SMIM35: variants seen among roughly 807,000 people sequenced by gnomAD.
SMIM35 encodes the protein small integral membrane protein 35.
rs2058113901 is a variant in SMIM35 at position 118,004,937 on chromosome 11, A to T, written c.*1473T>A. On this transcript the variant is annotated 3_prime_UTR_variant, in exon 5 of 5. Coordinates refer to ENST00000689828, the MANE Select transcript of SMIM35 (RefSeq NM_001394165.1). ...AGGGAGGGGTACAGACTAGTACATG[A>T]TCTGCAAAGGCCTGGGTGTAGGGTG... 1 of 152,234 alleles carries T rather than the reference A, an allele frequency of 6.6e-6. No homozygotes were observed. Among genetic ancestry groups the T allele is most frequent in the African/African-American group, 2.4e-5 (1 of 41,416 alleles). 9.4% of individuals were successfully genotyped at this position (152,234 alleles called of 1,614,324 possible).
At chr11:118,057,616 G>A (rs2135115426) in intron 1 of SMIM35, among the ~76,000 whole-genome samples, 1 of 152,356 alleles carries the variant, frequency 6.6e-6, no homozygotes, top group East Asian at 1.9e-4. Context: ...CTGCCCCAGG[G>A]CTGCAGTGTT....
In SMIM35 at chr11:118,022,757, C is replaced by T. The variant is rs535003231; in HGVS notation, c.8-6948G>A. Among the ~76,000 whole-genome samples, 18 of 152,124 alleles carry T rather than the reference C, an allele frequency of 1.2e-4. 1 individual carries two copies. Among genetic ancestry groups the T allele is most frequent in the Admixed American group, 1.3e-4 (2 of 15,290 alleles). On this transcript the variant is annotated intron_variant, in intron 1 of 4. Coordinates refer to ENST00000689828, the MANE Select transcript of SMIM35 (RefSeq NM_001394165.1). ...CTGAGGCCAGAGAATCATCTGAAAG[C>T]ATTCGTGGGAAACAGTGTCTAGCAT...
chr11:118,085,988 T>C (rs970249785), intron 1 of SMIM35, among the ~76,000 whole-genome samples: 2 of 152,218 alleles, frequency 1.3e-5, no homozygotes, highest in Admixed American at 6.5e-5. Flanking sequence ...GAGGGATTCC[T>C]AAGCACTGCA....
intron 1 of SMIM35, among the ~76,000 whole-genome samples, chr11:118,030,031 G>C (rs2058305278): frequency 6.6e-6 from 1 of 151,936 alleles, no homozygotes; most frequent in Non-Finnish European, 1.5e-5. Context: ...AATGGGCAGG[G>C]GGATATAACT....
chr11:118,060,694 A>T (rs1944381062), intron 1 of SMIM35, among the ~76,000 whole-genome samples: 2 of 152,072 alleles, frequency 1.3e-5, no homozygotes, highest in Admixed American at 1.3e-4. Context: ...TACAGAGTCC[A>T]GGGTGTCCCT....
At chr11:118,060,860 C>T (rs966034528) in intron 1 of SMIM35, among the ~76,000 whole-genome samples, 1 of 152,224 alleles carries the variant, frequency 6.6e-6, no homozygotes, top group Non-Finnish European at 1.5e-5. Context: ...CTTTGGATCC[C>T]CAGGCAGACA....
intron 1 of SMIM35, among the ~76,000 whole-genome samples, chr11:118,067,048 A>G (rs1944485642): frequency 6.6e-6 from 1 of 152,008 alleles, no homozygotes; most frequent in Non-Finnish European, 1.5e-5. Flanking sequence ...TACCTTGTCC[A>G]TTGTGTGAGG....
intron 1 of SMIM35, among the ~76,000 whole-genome samples, chr11:118,036,254 A>G (rs2058358776): frequency 6.6e-6 from 1 of 152,262 alleles, no homozygotes; most frequent in Admixed American, 6.5e-5. Flanking sequence ...AGATCTAGAT[A>G]TACCCTTACC....
At chr11:118,061,985 T>C (rs753012223) in intron 1 of SMIM35, among the ~76,000 whole-genome samples, 3 of 152,198 alleles carry the variant, frequency 2.0e-5, no homozygotes, top group Non-Finnish European at 4.4e-5. Flanking sequence ...CCCTTGGAAT[T>C]GGAAGGTCCT....
chr11:118,079,102 TG>T (rs1446960648), intron 1 of SMIM35, among the ~76,000 whole-genome samples: 12 of 152,010 alleles, frequency 7.9e-5, no homozygotes, highest in Non-Finnish European at 1.8e-4. Context: ...AGGTCAGGCC[TG>T]GGGCCCCAAA....
At chr11:118,060,156 C>G (rs568694743) in intron 1 of SMIM35, among the ~76,000 whole-genome samples, 13 of 152,146 alleles carry the variant, frequency 8.5e-5, no homozygotes, top group African/African-American at 3.1e-4. Flanking sequence ...TCCCTCAAGC[C>G]GTATCTACTC....
At chr11:118,049,009 A>G (rs1007420326) in intron 1 of SMIM35, among the ~76,000 whole-genome samples, 9 of 151,272 alleles carry the variant, frequency 5.9e-5, no homozygotes, top group African/African-American at 2.2e-4. Flanking sequence ...ATAATGTACT[A>G]CTTTTGCAAC....
chr11:118,025,600 G>A (rs542388442), intron 1 of SMIM35: 21 of 453,686 alleles, frequency 4.6e-5, no homozygotes, highest in South Asian at 2.3e-4. Flanking sequence ...CTTTTGAGAA[G>A]TGTCTGTTCA....
intron 1 of SMIM35, among the ~76,000 whole-genome samples, chr11:118,044,526 T>C (rs1741992399): frequency 6.6e-6 from 1 of 151,824 alleles, no homozygotes; most frequent in African/African-American, 2.4e-5. Flanking sequence ...CTAGGATGGG[T>C]GCGGTGATTC....
rs533503444 is a variant in SMIM35 at position 118,025,709 on chromosome 11, T to A, written c.8-9900A>T. On this transcript the variant is annotated intron_variant, in intron 1 of 4. Transcript: ENST00000689828. Reference sequence around the variant, plus strand: ...AGATATTAGACCCTTGTTGGATGCATAGTTTGTGAATATTTTCTCCCATTC... The same window carrying A: ...AGATATTAGACCCTTGTTGGATGCAAAGTTTGTGAATATTTTCTCCCATTC... 4 of 453,994 alleles carry A rather than the reference T, an allele frequency of 8.8e-6. No individual in the cohort carries two copies. The Admixed American group carries it at 9.5e-5, about 11-fold the overall frequency. 28.1% of individuals were successfully genotyped at this position (453,994 alleles called of 1,614,324 possible).
chr11:118,055,407 T>C (rs894004846), intron 1 of SMIM35, among the ~76,000 whole-genome samples: 1 of 152,164 alleles, frequency 6.6e-6, no homozygotes, highest in Non-Finnish European at 1.5e-5. Context: ...TCAACAGCCT[T>C]ACTCACTCTA....
At chr11:118,062,511 C>T (rs748460126) in intron 1 of SMIM35, among the ~76,000 whole-genome samples, 50 of 152,168 alleles carry the variant, frequency 3.3e-4, no homozygotes, top group Non-Finnish European at 5.3e-4. Context: ...TTCTCAAAGA[C>T]CAGCTGGGAG....
chr11:118,012,535 C>T (rs1297450845), intron 4 of SMIM35, among the ~76,000 whole-genome samples: 4 of 152,212 alleles, frequency 2.6e-5, no homozygotes. Context: ...TAATGTAGAA[C>T]TCACCCACTC....
At chr11:118,048,621 GGA>G (rs373866285) in intron 1 of SMIM35, among the ~76,000 whole-genome samples, 101 of 150,162 alleles carry the variant, frequency 6.7e-4, no homozygotes, top group Non-Finnish European at 4.3e-4. Context: ...AAGCAAGGAA[GGA>G]GAGAGAGAGA....
Sources: allele counts gnomAD v4.1 joint callset (sites outside exome capture counted in the v4.1 genomes callset), GRCh38; gene constraint gnomAD v4.1.1; transcripts MANE v1.5; gene names NCBI Gene and HGNC (gene_info 2026-07-23, HGNC 2026-07-21).